The following SUPT3H variants were observed in gnomAD, a reference collection of about 807,000 sequenced individuals.
SUPT3H encodes transcription initiation protein SPT3 homolog.
A neutral mutation model predicts 44.3 loss-of-function variants in SUPT3H; 44 were observed. The ratio of observed to expected loss-of-function variants is 0.99; its 90% CI spans 0.78 to 1.28. SUPT3H has a LOEUF of 1.28. Among genes scored for constraint, SUPT3H ranks in the 50% most tolerant of loss-of-function variants. The pLI is 0.00. For missense variants in SUPT3H, 380 were observed against 387.1 expected (o/e 0.98, Z 0.15); for synonymous variants, 124 against 125.6 (o/e 0.99, Z 0.09).
chr6:45,248,588 C>A (rs1452000994), intron 2 of SUPT3H, among the ~76,000 whole-genome samples: 2 of 152,062 alleles, frequency 1.3e-5, no homozygotes, highest in Non-Finnish European at 2.9e-5. Flanking sequence ...AAAAAACTGG[C>A]AATGCGAAGT....
intron 10 of SUPT3H, among the ~76,000 whole-genome samples, chr6:44,854,306 C>T (rs959516956): frequency 6.6e-5 from 10 of 152,178 alleles, no homozygotes; most frequent in Admixed American, 2.0e-4. Flanking sequence ...CATCATCCTT[C>T]TATGGACTCT....
intron 2 of SUPT3H, among the ~76,000 whole-genome samples, chr6:45,346,211 T>A (rs1025648842): frequency 6.0e-5 from 9 of 150,160 alleles, no homozygotes; most frequent in South Asian, 4.1e-4. Context: ...CTCACTCTAC[T>A]TATGTATATA....
intron 11 of SUPT3H, among the ~76,000 whole-genome samples, chr6:44,818,510 C>A (rs2090832): frequency 0.11 from 16,124 of 152,104 alleles, 1,306 homozygotes; most frequent in African/African-American, 0.22. Context: ...TTTCCAAGGG[C>A]ACTTTAGGAA....
At chr6:45,371,889 G>T in intron 1 of SUPT3H, 1 of 943,506 alleles carries the variant, frequency 1.1e-6, no homozygotes, top group African/African-American at 1.8e-5. Context: ...CATTTTTCAG[G>T]TGAGGAACTG....
At chr6:45,029,832 T>C (rs1011757641) in intron 3 of SUPT3H, among the ~76,000 whole-genome samples, 1 of 152,222 alleles carries the variant, frequency 6.6e-6, no homozygotes, top group African/African-American at 2.4e-5. Context: ...TGGCACTACC[T>C]TGGCTCACTG....
intron 2 of SUPT3H, among the ~76,000 whole-genome samples, chr6:45,293,576 T>C (rs752263835): frequency 8.8e-4 from 134 of 151,728 alleles, no homozygotes; most frequent in Non-Finnish European, 4.3e-4. Flanking sequence ...ATGATAAACC[T>C]GAGAGACCAT....
At chr6:45,113,039 G>T (rs1431928205) in intron 2 of SUPT3H, among the ~76,000 whole-genome samples, 1 of 150,678 alleles carries the variant, frequency 6.6e-6, no homozygotes, top group Non-Finnish European at 1.5e-5. Context: ...ACTTTAGAAT[G>T]GACACTGTGT....
chr6:45,013,982 G>A (rs773286046), intron 5 of SUPT3H, among the ~76,000 whole-genome samples: 1 of 151,984 alleles, frequency 6.6e-6, no homozygotes, highest in Non-Finnish European at 1.5e-5. Flanking sequence ...TGCTGTACGT[G>A]CTTAGGACAA....
At chr6:45,039,919 G>C (rs1297730897) in intron 3 of SUPT3H, among the ~76,000 whole-genome samples, 1 of 151,940 alleles carries the variant, frequency 6.6e-6, no homozygotes, top group Non-Finnish European at 1.5e-5. Flanking sequence ...AGATGTTCCA[G>C]ATTAGGACAA....
At chr6:44,944,001 C>G (rs1206065686) in intron 9 of SUPT3H, among the ~76,000 whole-genome samples, 1 of 151,910 alleles carries the variant, frequency 6.6e-6, no homozygotes, top group African/African-American at 2.4e-5. Context: ...TGCTTCTCAG[C>G]CTTTTGGCTA....
At chr6:45,323,830 A>ACAAAGTATAC (rs1785924211) in intron 2 of SUPT3H, among the ~76,000 whole-genome samples, 1 of 152,074 alleles carries the variant, frequency 6.6e-6, no homozygotes, top group South Asian at 2.1e-4. Context: ...AAGTTACAGC[A>ACAAAGTATAC]GTGTTCCAAC....
At chr6:45,272,370 TAGTG>T (rs1486313946) in intron 2 of SUPT3H, among the ~76,000 whole-genome samples, 1 of 152,108 alleles carries the variant, frequency 6.6e-6, no homozygotes, top group African/African-American at 2.4e-5. Flanking sequence ...GTTCTTGTGA[TAGTG>T]AGTAAGTGTC....
At chr6:45,012,825 T>C (rs1225464769) in intron 5 of SUPT3H, among the ~76,000 whole-genome samples, 1 of 152,154 alleles carries the variant, frequency 6.6e-6, no homozygotes, top group Non-Finnish European at 1.5e-5. Context: ...CTTGTCATTG[T>C]TTATTTCATG....
At chr6:45,172,832 C>T (rs1006121652) in intron 2 of SUPT3H, among the ~76,000 whole-genome samples, 15 of 152,018 alleles carry the variant, frequency 9.9e-5, no homozygotes, top group Admixed American at 2.6e-4. Flanking sequence ...CCTCGTGATC[C>T]GCCCATCTCA....
intron 6 of SUPT3H, among the ~76,000 whole-genome samples, chr6:44,971,744 C>T (rs1294496178): frequency 6.6e-6 from 1 of 152,166 alleles, no homozygotes; most frequent in East Asian, 1.9e-4. Context: ...ACCAATCATG[C>T]CTTCCCAACA....
At chr6:45,328,473 T>A in intron 2 of SUPT3H, 1 of 1,487,134 alleles carries the variant, frequency 6.7e-7, no homozygotes, top group Non-Finnish European at 9.1e-7. Context: ...GAGTGCTCTC[T>A]AACCACAGTC....
At chr6:44,912,148 GCATT>G (rs1265469705) in intron 10 of SUPT3H, among the ~76,000 whole-genome samples, 3 of 152,038 alleles carry the variant, frequency 2.0e-5, no homozygotes, top group African/African-American at 7.2e-5. Flanking sequence ...CAAGTCAGTG[GCATT>G]AATTACATTA....
intron 5 of SUPT3H, among the ~76,000 whole-genome samples, chr6:45,009,314 T>C (rs1291542796): frequency 3.9e-5 from 6 of 152,224 alleles, no homozygotes; most frequent in Admixed American, 6.5e-5. Flanking sequence ...TTTGAAATAA[T>C]TGATCAAGTC....
At chr6:45,124,367 G>A (rs1279022097) in intron 2 of SUPT3H, among the ~76,000 whole-genome samples, 5 of 152,080 alleles carry the variant, frequency 3.3e-5, no homozygotes, top group African/African-American at 4.8e-5. Context: ...TACTGGCTGA[G>A]CACAGTGGGC....
Sources: allele counts gnomAD v4.1 joint callset (sites outside exome capture counted in the v4.1 genomes callset), GRCh38; gene constraint gnomAD v4.1.1; transcripts MANE v1.5; gene names NCBI Gene and HGNC (gene_info 2026-07-23, HGNC 2026-07-21).